SNRK: variants seen among roughly 807,000 people sequenced by gnomAD.
SNRK encodes SNF related kinase.
A neutral mutation model predicts 48.2 loss-of-function variants in SNRK; 3 were observed. The ratio of observed to expected loss-of-function variants is 0.06; its 90% CI spans 0.03 to 0.16. The LOEUF (loss-of-function observed/expected upper bound fraction) is 0.16, where lower values mean the gene tolerates loss of function less well. SNRK is among the 10% of genes least tolerant of loss of function. The pLI, the probability that SNRK is intolerant of heterozygous loss-of-function variation, is 1.00. For synonymous variants in SNRK, 376 were observed against 366.1 expected, an observed-to-expected ratio of 1.03 and a Z score of -0.31; for missense variants, 627 against 976.0, an observed-to-expected ratio of 0.64 and a Z score of 4.76.
chr3:43,320,935 T>G (rs1038003564), intron 3 of SNRK, among the ~76,000 whole-genome samples: 22 of 151,778 alleles, frequency 1.4e-4, no homozygotes, highest in Non-Finnish European at 4.4e-5. Context: ...TCAAGGTTTT[T>G]TTTTTTTTTT....
In SNRK at chr3:43,343,406, T is replaced by C. The variant is rs1257075760; in HGVS notation, c.1007T>C (p.Ile336Thr). The change falls in exon 6 of 7, where the codon ATC becomes ACC. Residue 336 changes from isoleucine to threonine, a missense_variant. This residue lies in a region of SNRK where 175 missense variants were observed against 209.7 expected (regional missense o/e 0.83). Transcript: ENST00000296088. ...ACATACTTCCTGCTGGCTGAAAGGA[T>C]CCTGAGAGAAAAGCAAGAGAAAGAA... Reference protein sequence around the residue: ...TATYFLLAERILREKQEKEIQ... With the variant: ...TATYFLLAERTLREKQEKEIQ... The C allele has an allele frequency of 6.2e-7, 1 of 1,614,096 alleles. No individual in the cohort carries two copies.
At chr3:43,337,423 T>G (rs947474057) in intron 4 of SNRK, among the ~76,000 whole-genome samples, 1 of 151,984 alleles carries the variant, frequency 6.6e-6, no homozygotes, top group Non-Finnish European at 1.5e-5. Flanking sequence ...TTATTCTTAT[T>G]TTTTGGAGGG....
At chr3:43,289,129 C>T (rs55804512) in intron 1 of SNRK, among the ~76,000 whole-genome samples, 3,307 of 152,184 alleles carry the variant, frequency 0.022, 129 homozygotes, top group African/African-American at 0.075. Flanking sequence ...AACAGATGAA[C>T]TGTGGTGAGG....
At chr3:43,322,428 C>T (rs1024354888) in intron 3 of SNRK, among the ~76,000 whole-genome samples, 2 of 151,814 alleles carry the variant, frequency 1.3e-5, no homozygotes, top group Non-Finnish European at 2.9e-5. Flanking sequence ...ACATATTATT[C>T]GAAACAAAAT....
At chr3:43,311,628 G>A (rs1357825471) in intron 3 of SNRK, among the ~76,000 whole-genome samples, 1 of 152,156 alleles carries the variant, frequency 6.6e-6, no homozygotes, top group Non-Finnish European at 1.5e-5. Context: ...GTGTACACCT[G>A]GAGAGCTCAT....
At chr3:43,335,734 G>A (rs1222075981) in intron 4 of SNRK, among the ~76,000 whole-genome samples, 1 of 152,062 alleles carries the variant, frequency 6.6e-6, no homozygotes, top group African/African-American at 2.4e-5. Context: ...AGTGTTTTGA[G>A]GTAATGTTAT....
intron 3 of SNRK, among the ~76,000 whole-genome samples, chr3:43,324,327 G>T (rs1040634817): frequency 2.4e-4 from 37 of 152,246 alleles, no homozygotes; most frequent in African/African-American, 8.7e-4. Flanking sequence ...GGCCAACATG[G>T]TGAAACCCCG....
At chr3:43,298,022 C>T (rs2090869795) in intron 1 of SNRK, among the ~76,000 whole-genome samples, 1 of 152,096 alleles carries the variant, frequency 6.6e-6, no homozygotes, top group Admixed American at 6.5e-5. Flanking sequence ...GTGGGAACGT[C>T]GTCTGTAACA....
chr3:43,344,209 T>C (rs2091258070), intron 6 of SNRK, among the ~76,000 whole-genome samples: 1 of 151,930 alleles, frequency 6.6e-6, no homozygotes, highest in Non-Finnish European at 1.5e-5. Flanking sequence ...CCCTCTCTCC[T>C]CCTCCTCCTC....
At chr3:43,326,529 G>A (rs56403804) in intron 3 of SNRK, among the ~76,000 whole-genome samples, 14,766 of 152,092 alleles carry the variant, frequency 0.097, 968 homozygotes, top group Non-Finnish European at 0.14. Flanking sequence ...TGTAATCACA[G>A]CCCATTGTAA....
At chr3:43,344,632 G>T (rs1287222478) in intron 6 of SNRK, among the ~76,000 whole-genome samples, 1 of 152,102 alleles carries the variant, frequency 6.6e-6, no homozygotes, top group Non-Finnish European at 1.5e-5. Context: ...CATGAATTTA[G>T]TAACTTTATT....
At chr3:43,316,446 A>T (rs1050518079) in intron 3 of SNRK, among the ~76,000 whole-genome samples, 1 of 152,106 alleles carries the variant, frequency 6.6e-6, no homozygotes. Flanking sequence ...ATGCAATTAT[A>T]ATATGCATCC....
intron 4 of SNRK, among the ~76,000 whole-genome samples, chr3:43,339,382 T>C (rs111461881): frequency 4.5e-4 from 68 of 152,334 alleles, no homozygotes; most frequent in Middle Eastern, 3.4e-3. Context: ...CAACATAGCT[T>C]GTAAAGCTGA....
intron 5 of SNRK, among the ~76,000 whole-genome samples, chr3:43,341,678 G>T (rs1019481515): frequency 2.0e-5 from 3 of 152,208 alleles, no homozygotes; most frequent in Non-Finnish European, 4.4e-5. Context: ...CCCATCAGGA[G>T]GGCCCTTTCA....
chr3:43,288,786 A>G (rs921379731), intron 1 of SNRK, among the ~76,000 whole-genome samples: 1 of 152,190 alleles, frequency 6.6e-6, no homozygotes, highest in South Asian at 2.1e-4. Flanking sequence ...CTCTAGACTT[A>G]ATGTAACTGC....
Position 43,347,482 on chromosome 3 carries a change from G to T in SNRK, c.1223G>T (p.Cys408Phe). The T allele has an allele frequency of 6.2e-7, 1 of 1,613,984 alleles. No homozygotes were observed. Among genetic ancestry groups the T allele is most frequent in the South Asian group, 1.1e-5 (1 of 91,072 alleles). Reference protein sequence around the residue: ...VLNGHRSKGLCDSAKKDDLPE... With the variant: ...VLNGHRSKGLFDSAKKDDLPE... ...AATGGCCACAGGAGCAAAGGCCTGT[G>T]TGACTCAGCTAAGAAAGATGACCTC... Residue 408 changes from cysteine (C) to phenylalanine (F), a missense_variant, in exon 7 of 7, where the codon TGT (cysteine) becomes TTT (phenylalanine). Physicochemically the swap from Cys to Phe is radical, Grantham distance 205. Transcript: ENST00000296088. This position sits in a 1 kb window ranked among gnomAD's most constrained non-coding sequence, Gnocchi z 5.4.
chr3:43,322,964 A>AAAAAAAAAAAAAAAAAAAAAAAAC, intron 3 of SNRK, among the ~76,000 whole-genome samples: 1 of 150,908 alleles, frequency 6.6e-6, no homozygotes, highest in Admixed American at 6.6e-5. Context: ...AAAAAAAAAA[A>AAAAAAAAAAAAAAAAAAAAAAAAC]AAGACTGTAT....
chr3:43,329,335 G>A (rs1228648787), intron 3 of SNRK, among the ~76,000 whole-genome samples: 1 of 152,086 alleles, frequency 6.6e-6, no homozygotes, highest in Non-Finnish European at 1.5e-5. Context: ...CTACTCGGGA[G>A]GCTAAGGCAG....
At chr3:43,313,725 A>G (rs532015485) in intron 3 of SNRK, among the ~76,000 whole-genome samples, 1 of 152,342 alleles carries the variant, frequency 6.6e-6, no homozygotes, top group East Asian at 1.9e-4. Context: ...TACCAATATC[A>G]GTTTCCTAGT....
Sources: allele counts gnomAD v4.1 joint callset (sites outside exome capture counted in the v4.1 genomes callset), GRCh38; gene constraint gnomAD v4.1.1; regional missense constraint gnomAD v4.1.1; non-coding constraint Gnocchi (gnomAD v3.1); transcripts MANE v1.5; gene names NCBI Gene and HGNC (gene_info 2026-07-23, HGNC 2026-07-21).